CNTN3: variants seen among roughly 807,000 people sequenced by gnomAD.
CNTN3 encodes contactin 3, also known as contactin-3.
In CNTN3, 60 loss-of-function variants were observed where a neutral mutation model predicts 119.1. The ratio of observed to expected loss-of-function variants is 0.50; its 90% CI spans 0.41 to 0.62. The LOEUF (loss-of-function observed/expected upper bound fraction) is 0.62. Ranked by LOEUF, CNTN3 falls within the 20% of genes least tolerant of loss-of-function variation. The pLI is 0.00. For missense variants in CNTN3, 1,101 were observed against 1,242.4 expected, an observed-to-expected ratio of 0.89 and a Z score of 1.71; for synonymous variants, 450 against 438.7, an observed-to-expected ratio of 1.03 and a Z score of -0.32.
intron 20 of CNTN3, among the ~76,000 whole-genome samples, chr3:74,271,340 G>A (rs1479426325): frequency 2.0e-5 from 3 of 152,162 alleles, no homozygotes; most frequent in East Asian, 1.9e-4. Context: ...AAGTCTGGAA[G>A]GAAAGACAAA....
chr3:74,504,402 T>A (rs1296724668), intron 2 of CNTN3, among the ~76,000 whole-genome samples: 1 of 152,094 alleles, frequency 6.6e-6, no homozygotes, highest in African/African-American at 2.4e-5. Flanking sequence ...ATGCCGCCAA[T>A]GAAATAAGAT....
At chr3:74,392,686 C>T (rs1039511132) in intron 5 of CNTN3, among the ~76,000 whole-genome samples, 1 of 152,098 alleles carries the variant, frequency 6.6e-6, no homozygotes, top group African/African-American at 2.4e-5. Context: ...CACACACAAA[C>T]ATATATTAGA....
intron 11 of CNTN3, among the ~76,000 whole-genome samples, chr3:74,361,206 T>C (rs1704066377): frequency 6.6e-6 from 1 of 152,192 alleles, no homozygotes; most frequent in Non-Finnish European, 1.5e-5. Context: ...GGCAGGTGTT[T>C]ACCTAAGTGC....
In CNTN3 at chr3:74,315,388, T is replaced by C. The variant is rs904130564; in HGVS notation, c.1669-12581A>G. On this transcript the variant is annotated intron_variant, in intron 13 of 22. Coordinates refer to ENST00000263665, the MANE Select transcript of CNTN3 (RefSeq NM_020872.3). ...CCTGATAAACTTGTTTTCTCTTTAC[T>C]CTGTGGACTCACCCTAAATTCTTTT... 2.6e-5 allele frequency among the ~76,000 whole-genome samples: 4 copies of C among 152,306 alleles called. No individual in the cohort carries two copies. In the East Asian group the frequency reaches 7.7e-4, roughly 29 times the overall value.
At chr3:74,546,989 G>A (rs554356408) in intron 1 of CNTN3, among the ~76,000 whole-genome samples, 111 of 152,084 alleles carry the variant, frequency 7.3e-4, no homozygotes, top group Non-Finnish European at 9.9e-4. Flanking sequence ...TATGACTTAT[G>A]TTCTCCACTT....
At chr3:74,500,505 G>GC (rs1412237191) in intron 2 of CNTN3, among the ~76,000 whole-genome samples, 19 of 73,320 alleles carry the variant, frequency 2.6e-4, no homozygotes, top group African/African-American at 6.8e-4. Context: ...AAACAAATTC[G>GC]CCCAAAAAAA....
chr3:74,426,126 G>C (rs1212938438), intron 4 of CNTN3, among the ~76,000 whole-genome samples: 2 of 152,240 alleles, frequency 1.3e-5, no homozygotes, highest in East Asian at 1.9e-4. Flanking sequence ...TTAAAGGAGA[G>C]AGAAAATTCC....
chr3:74,594,695 A>T (rs1458846480), intron 1 of CNTN3, among the ~76,000 whole-genome samples: 1 of 152,002 alleles, frequency 6.6e-6, no homozygotes, highest in Non-Finnish European at 1.5e-5. Context: ...CCAGTCTATC[A>T]TTGTTGGACA....
chr3:74,329,503 G>A (rs1703210182), intron 13 of CNTN3, among the ~76,000 whole-genome samples: 1 of 152,150 alleles, frequency 6.6e-6, no homozygotes, highest in South Asian at 2.1e-4. Context: ...GAACTAGTGT[G>A]TTTACGTCCA....
chr3:74,453,771 G>A (rs1381644080), intron 4 of CNTN3, among the ~76,000 whole-genome samples: 1 of 151,266 alleles, frequency 6.6e-6, no homozygotes, highest in African/African-American at 2.4e-5. Context: ...ATTTCGTTAT[G>A]TACCCAGTAG....
intron 5 of CNTN3, among the ~76,000 whole-genome samples, chr3:74,397,248 C>G (rs1705079216): frequency 6.6e-6 from 1 of 152,038 alleles, no homozygotes; most frequent in Admixed American, 6.6e-5. Context: ...AATGGTTTAC[C>G]AAATATTTTA....
At chr3:74,537,701 C>A (rs9870446) in intron 1 of CNTN3, among the ~76,000 whole-genome samples, 150,727 of 152,244 alleles carry the variant, frequency 0.99, 74,621 homozygotes, top group Middle Eastern at 1. Flanking sequence ...AGCTGTTTTC[C>A]GAAAGCACAA....
chr3:74,392,376 C>T (rs1704934413), intron 5 of CNTN3, among the ~76,000 whole-genome samples: 1 of 152,114 alleles, frequency 6.6e-6, no homozygotes, highest in South Asian at 2.1e-4. Flanking sequence ...TTTTGTCTTT[C>T]CTTTTCCCTC....
chr3:74,266,345 C>T (rs1363296316), intron 22 of CNTN3, 136 bp downstream of exon 22: 2 of 862,822 alleles, frequency 2.3e-6, no homozygotes, highest in Non-Finnish European at 3.5e-6. Flanking sequence ...CCACGTCTCA[C>T]CTGCCAAAAC....
At position 74,600,264 on chromosome 3, in the gene CNTN3, T is replaced by C. The variant is rs182482242; in HGVS notation, c.-81+14127A>G. On this transcript the variant is annotated intron_variant, in intron 1 of 22. Transcript: ENST00000263665. ...AAAAGCAAACTCAATTTCAACCCTA[T>C]AGATGAAATCCTATAAATGTGGAGA... Among the ~76,000 whole-genome samples, 227 of 152,206 alleles carry C rather than the reference T, an allele frequency of 1.5e-3. 1 individual carries two copies. Among genetic ancestry groups the C allele is most frequent in the Non-Finnish European group, 2.4e-3 (166 of 67,988 alleles).
chr3:74,342,033 T>C (rs1414754139), intron 11 of CNTN3, among the ~76,000 whole-genome samples: 3 of 152,136 alleles, frequency 2.0e-5, no homozygotes, highest in Non-Finnish European at 1.5e-5. Context: ...CTCTTTTAGA[T>C]GGTACTTTCT....
At chr3:74,469,447 G>GT (rs1702521067) in intron 4 of CNTN3, among the ~76,000 whole-genome samples, 2 of 152,144 alleles carry the variant, frequency 1.3e-5, no homozygotes, top group African/African-American at 4.8e-5. Context: ...ACATTTGCAT[G>GT]TATCTGACAA....
At chr3:74,401,414 C>T (rs1456187228) in intron 5 of CNTN3, among the ~76,000 whole-genome samples, 1 of 152,042 alleles carries the variant, frequency 6.6e-6, no homozygotes, top group East Asian at 1.9e-4. Flanking sequence ...AATTCAGCTC[C>T]AAGTCACAGG....
intron 13 of CNTN3, among the ~76,000 whole-genome samples, chr3:74,317,362 G>A (rs1329487569): frequency 6.6e-6 from 1 of 151,998 alleles, no homozygotes; most frequent in East Asian, 1.9e-4. Flanking sequence ...TGTTATGTGT[G>A]TATTTGGTCC....
Sources: gnomAD v4.1 joint callset for allele counts (sites outside exome capture counted in the v4.1 genomes callset) on GRCh38, gnomAD v4.1.1 for gene constraint, MANE v1.5 for transcripts, NCBI Gene and HGNC (gene_info 2026-07-23, HGNC 2026-07-21) for gene names.